Variants in ASPDH observed in about 807,000 individuals in gnomAD.
ASPDH encodes aspartate dehydrogenase domain-containing protein.
In ASPDH, 25 loss-of-function variants were observed where a neutral mutation model predicts 30.5. The observed-to-expected ratio is 0.82, with a 90% CI of 0.60 to 1.14. The LOEUF is 1.14. ASPDH is among the 50% of genes most tolerant of loss of function. The probability of loss-of-function intolerance (pLI) is 0.00; values close to 1 mark genes in which losing one functional copy is unlikely to be tolerated. For synonymous variants in ASPDH, 168 were observed against 156.3 expected (o/e 1.07, Z -0.56); for missense variants, 401 against 381.5 (o/e 1.05, Z -0.43).
upstream of ASPDH, chr19:50,513,981 G>C (rs1568709705): frequency 1.2e-6 from 1 of 859,118 alleles, no homozygotes; most frequent in Middle Eastern, 3.7e-4. This position sits in a 1 kb window ranked among gnomAD's most constrained non-coding sequence, Gnocchi z 4.9. Flanking sequence ...GTGGGCCTGC[G>C]GGAGTGGAGG....
Position 50,513,861 on chromosome 19 carries a change from C to T in ASPDH, c.-38G>A. On this transcript the variant is annotated 5_prime_UTR_variant, in exon 1 of 7. Coordinates refer to ENST00000389208, the MANE Select transcript of ASPDH (RefSeq NM_001114598.2). This position sits in a 1 kb window ranked among gnomAD's most constrained non-coding sequence, Gnocchi z 4.9. ...GGTGTCTGGGGCCTGGCTCCCTGGG[C>T]TGCTCGCTGCCCGCTGCACAAGGCC... The T allele has an allele frequency of 6.5e-7, 1 of 1,543,352 alleles. No individual in the cohort carries two copies. The highest frequency in any genetic ancestry group is 8.7e-7 in the Non-Finnish European group (1 of 1,143,716).
chr19:50,513,350 C>T lies in ASPDH; in HGVS notation c.119G>A (p.Trp40Ter). 3.2e-6 allele frequency: 5 copies of T among 1,542,852 alleles called. No homozygotes were observed. The highest frequency in any genetic ancestry group is 4.4e-6 in the Non-Finnish European group (5 of 1,142,982). Residue 40 changes from tryptophan to a stop codon, truncating the protein, a stop_gained, in exon 2 of 7, where the codon TGG becomes TAG. Transcript: ENST00000389208. LOFTEE classifies it high-confidence loss of function. The surrounding 1 kb of genome is among the most constrained non-coding windows in gnomAD (Gnocchi z 4.9). ...PELGLELVFVWNRDPGRMAGS... is the reference protein window; with the variant it reads ...PELGLELVFV ...TGCCATTCGTCCTGGGTCACGATTCCAGACAAAAACAAGTTCTAGGCCAAG... is the reference window on the plus strand; with the variant it reads ...TGCCATTCGTCCTGGGTCACGATTCTAGACAAAAACAAGTTCTAGGCCAAG...
Position 50,513,660 on chromosome 19 carries a change from GAC to G in ASPDH, c.52+110_52+111del, listed in dbSNP as rs1980097198. On this transcript the variant is annotated intron_variant, in intron 1 of 6. Coordinates refer to ENST00000389208, the MANE Select transcript of ASPDH (RefSeq NM_001114598.2). The surrounding 1 kb of genome is among the most constrained non-coding windows in gnomAD (Gnocchi z 4.9). ...TGGGGGTGCAGTGGGCAGACCCAGA[GAC>G]ACAGCCAGGGGCAGATAGAGAGAGA... is the stretch of plus-strand genomic sequence containing the variant. 16 of 893,918 alleles carry G rather than the reference GAC, an allele frequency of 1.8e-5. No individual in the cohort carries two copies. In the East Asian group the frequency reaches 4.3e-4, roughly 24 times the overall value. The allele number at this position is 893,918 out of a possible 1,614,324, so 55.4% of individuals were successfully genotyped here. A position where few individuals can be genotyped will look rare whatever the true frequency, so the allele number is the denominator to read the frequency against.
intron 6 of ASPDH, 23 bp downstream of exon 6, chr19:50,512,113 G>C (rs1473700878): frequency 6.6e-7 from 1 of 1,516,840 alleles, no homozygotes. Context: ...GCCCAGGGCC[G>C]GGGGAGAGGG....
Position 50,513,480 on chromosome 19 carries a change from A to G in ASPDH, c.53-64T>C. The G allele has an allele frequency of 7.0e-7, 1 of 1,422,874 alleles. No homozygotes were observed. Among genetic ancestry groups the G allele is most frequent in the Non-Finnish European group, 9.3e-7 (1 of 1,079,476 alleles). 88.1% of individuals were successfully genotyped at this position (1,422,874 alleles called of 1,614,324 possible). A position where few individuals can be genotyped will look rare whatever the true frequency, so the allele number is the denominator to read the frequency against. ...GAGGGGGACAGAGACCCAGAGAGAGAGGAGGTGGGGACAGAGACCCAGAGA... is the reference window on the plus strand; with the variant it reads ...GAGGGGGACAGAGACCCAGAGAGAGGGGAGGTGGGGACAGAGACCCAGAGA... On this transcript the variant is annotated intron_variant, in intron 1 of 6. Transcript: ENST00000389208. The surrounding 1 kb of genome is among the most constrained non-coding windows in gnomAD (Gnocchi z 4.9).
chr19:50,514,439 T>A, upstream of ASPDH: 1 of 1,613,708 alleles, frequency 6.2e-7, no homozygotes, highest in South Asian at 1.1e-5. Context: ...TCCGCCCCTG[T>A]CCACAGCCTC....
At chr19:50,514,000 C>A (rs1980118315), upstream of ASPDH, 2 of 716,520 alleles carry the variant, frequency 2.8e-6, no homozygotes, top group Admixed American at 3.1e-5. The surrounding 1 kb of genome is among the most constrained non-coding windows in gnomAD (Gnocchi z 4.9). Flanking sequence ...GGCGGGAGAA[C>A]CCTTCCCTGT....
upstream of ASPDH, chr19:50,513,941 C>T: frequency 7.6e-7 from 1 of 1,318,678 alleles, no homozygotes. This position sits in a 1 kb window ranked among gnomAD's most constrained non-coding sequence, Gnocchi z 4.9. Context: ...GCTCAGTCTT[C>T]CCCCTTCCCC....
rs144658872 is a variant in ASPDH at position 50,513,613 on chromosome 19, C to T, written c.52+159G>A. Among the ~76,000 whole-genome samples, 564 of 151,858 alleles carry T rather than the reference C, an allele frequency of 3.7e-3. 4 individuals are homozygous for T. Among genetic ancestry groups the T allele is most frequent in the African/African-American group, 0.013 (533 of 41,414 alleles). On this transcript the variant is annotated intron_variant, in intron 1 of 6. Coordinates refer to ENST00000389208, the MANE Select transcript of ASPDH (RefSeq NM_001114598.2). This position sits in a 1 kb window ranked among gnomAD's most constrained non-coding sequence, Gnocchi z 4.9. ...GGCCCAGAGAGAAGGGAGACAGAGA[C>T]GGAGAGGACAGAGACCTGGGGTGGG...
At position 50,513,246 on chromosome 19, in the gene ASPDH, C is replaced by G. The variant is rs1980072408; in HGVS notation, c.197+26G>C. The G allele has an allele frequency of 6.9e-7, 1 of 1,447,930 alleles. No individual in the cohort carries two copies. The highest frequency in any genetic ancestry group is 2.6e-5 in the East Asian group (1 of 38,924). The allele number at this position is 1,447,930 out of a possible 1,614,324, so 89.7% of individuals were successfully genotyped here. A position where few individuals can be genotyped will look rare whatever the true frequency, so the allele number is the denominator to read the frequency against. Reference sequence around the variant, plus strand: ...CCAGGACAGGAGCTTCAGGGAGCTCCACTCTCCCATGGCAAGGTCACTGAC... The same window carrying G: ...CCAGGACAGGAGCTTCAGGGAGCTCGACTCTCCCATGGCAAGGTCACTGAC... On this transcript the variant is annotated intron_variant, in intron 2 of 6. Transcript: ENST00000389208. The surrounding 1 kb of genome is among the most constrained non-coding windows in gnomAD (Gnocchi z 4.9).
chr19:50,513,004 C>T lies in ASPDH; in HGVS notation c.205G>A (p.Asp69Asn). 6.2e-7 allele frequency: 1 copy of T among 1,613,282 alleles called. No individual in the cohort carries two copies. The highest frequency in any genetic ancestry group is 8.5e-7 in the Non-Finnish European group (1 of 1,179,594). Residue 69 changes from aspartate (D) to asparagine (N), a missense_variant, in exon 3 of 7, where the codon GAT (aspartate) becomes AAT (asparagine). Coordinates refer to ENST00000389208, the MANE Select transcript of ASPDH (RefSeq NM_001114598.2). The surrounding 1 kb of genome is among the most constrained non-coding windows in gnomAD (Gnocchi z 4.9). ...NLAALGERRPDLVVEVAHPKI... is the reference protein window; with the variant it reads ...NLAALGERRPNLVVEVAHPKI... ...GGATGGGCCACTTCCACAACCAGAT[C>T]AGGGCGCCTGGGAGAGGGGAAAGAG...
At chr19:50,511,931 G>C in intron 6 of ASPDH, 158 bp from the exon 7 acceptor site, 1 of 373,058 alleles carries the variant, frequency 2.7e-6, no homozygotes, top group Non-Finnish European at 4.2e-6. Context: ...GAGACAGAGA[G>C]AGTCTCGATC....
chr19:50,515,029 C>T (rs534595747), upstream of ASPDH: 48 of 985,332 alleles, frequency 4.9e-5, no homozygotes, highest in African/African-American at 7.2e-4. Flanking sequence ...AGGCACCTCA[C>T]GGAAGTGGGG....
chr19:50,514,432 G>A (rs778141925), upstream of ASPDH: 14 of 1,612,902 alleles, frequency 8.7e-6, no homozygotes, highest in East Asian at 4.5e-5. Flanking sequence ...CACAGCCTCC[G>A]CCCCTGTCCA....
At position 50,512,233 on chromosome 19, in the gene ASPDH, G is replaced by T. The variant is rs759582417; in HGVS notation, c.711C>A (p.Gly237=). 17 of 1,612,198 alleles carry T rather than the reference G, an allele frequency of 1.1e-5. No individual in the cohort carries two copies. Among genetic ancestry groups the T allele is most frequent in the Non-Finnish European group, 1.3e-5 (15 of 1,179,584 alleles). Residue 237 remains glycine, a synonymous_variant, in exon 6 of 7, where the codon GGC becomes GGA. Coordinates refer to ENST00000389208, the MANE Select transcript of ASPDH (RefSeq NM_001114598.2). ...VELSGPRGPT[G]RSFAVHTRRE... ...TGCGGGTGTGCACAGCAAAGCTTCGGCCCGTGGGGCCCCGGGGTCCGCTCA... is the reference window on the plus strand; with the variant it reads ...TGCGGGTGTGCACAGCAAAGCTTCGTCCCGTGGGGCCCCGGGGTCCGCTCA...
At position 50,512,955 on chromosome 19, in the gene ASPDH, G is replaced by A. The variant is rs201238450; in HGVS notation, c.254C>T (p.Ala85Val). The change falls in exon 3 of 7, where the codon GCA becomes GTA. Residue 85 changes from alanine (A) to valine (V), a missense_variant. Physicochemically the swap from Ala to Val is moderately conservative, Grantham distance 64 (BLOSUM62 0). Transcript: ENST00000389208. ...GAGATTGGCATGGCGCAGGATTTGT[G>A]CCCCAGATTCATGGATTATTTTGGG... ...AHPKIIHESG[A>V]QILRHANLLV... 6.2e-7 allele frequency: 1 copy of A among 1,613,618 alleles called. No homozygotes were observed.
Position 50,512,205 on chromosome 19 carries a change from C to T in ASPDH, c.739G>A (p.Glu247Lys). 4 of 1,609,762 alleles carry T rather than the reference C, an allele frequency of 2.5e-6. No homozygotes were observed. Among genetic ancestry groups the T allele is most frequent in the Non-Finnish European group, 3.4e-6 (4 of 1,179,154 alleles). The change falls in exon 6 of 7, where the codon GAG becomes AAG. Residue 247 changes from glutamate to lysine, a missense_variant. Glu to Lys is a moderately conservative substitution (Grantham distance 56, BLOSUM62 1). Transcript: ENST00000389208. ...ACCGCGCCTGGCTCGGCAGGGTTCT[C>T]TCTGCGGGTGTGCACAGCAAAGCTT... is the stretch of plus-strand genomic sequence containing the variant. ...GRSFAVHTRR[E>K]NPAEPGAVTG...
At chr19:50,514,489 A>C (rs1347036775), upstream of ASPDH, 1 of 1,612,744 alleles carries the variant, frequency 6.2e-7, no homozygotes, top group South Asian at 1.1e-5. Context: ...TTGACTTGCT[A>C]CCTTTCACTC....
chr19:50,512,719 C>T lies in ASPDH; in HGVS notation c.374G>A (p.Arg125Gln), dbSNP rs1374328396. ...QHWDHAVFVA[R>Q]GALWGAEDIR... ...GTCCTCAGCGCCCCACAGGGCCCCT[C>T]GGGCCACAAACACGGCGTGGTCCCA... is the stretch of plus-strand genomic sequence containing the variant. Residue 125 changes from arginine to glutamine, a missense_variant, in exon 4 of 7, where the codon CGA (arginine) becomes CAA (glutamine). By Grantham distance (43) the Arg-to-Gln change is conservative. Transcript: ENST00000389208. The T allele has an allele frequency of 1.2e-5, 19 of 1,552,252 alleles. No individual in the cohort carries two copies. Among genetic ancestry groups the T allele is most frequent in the Non-Finnish European group, 1.7e-5 (19 of 1,147,702 alleles).
Sources: gnomAD v4.1 joint callset for allele counts (sites outside exome capture counted in the v4.1 genomes callset) on GRCh38, gnomAD v4.1.1 for gene constraint, Gnocchi (gnomAD v3.1) non-coding constraint, MANE v1.5 for transcripts, NCBI Gene and HGNC (gene_info 2026-07-23, HGNC 2026-07-21) for gene names.